KCNK2: variants seen among roughly 807,000 people sequenced by gnomAD.
The protein encoded by KCNK2 is potassium two pore domain channel subfamily K member 2.
KCNK2 carries 21 observed loss-of-function variants against 40.5 expected under a neutral mutation model. The observed-to-expected ratio is 0.52, with a 90% CI of 0.37 to 0.75. The LOEUF is 0.75. KCNK2 is among the 30% of genes least tolerant of loss of function. KCNK2 has a pLI of 0.00. For synonymous variants in KCNK2, 191 were observed against 202.2 expected (o/e 0.94, Z 0.47); for missense variants, 399 against 531.6 (o/e 0.75, Z 2.45).
At chr1:215,105,192 C>T (rs1180899566) in intron 2 of KCNK2, among the ~76,000 whole-genome samples, 3 of 152,140 alleles carry the variant, frequency 2.0e-5, no homozygotes, top group Non-Finnish European at 4.4e-5. Context: ...TTTCATCTTG[C>T]ATGACTGAAA....
intron 1 of KCNK2, among the ~76,000 whole-genome samples, chr1:215,055,111 AT>A (rs1012927762): frequency 6.6e-6 from 1 of 152,248 alleles, no homozygotes; most frequent in Non-Finnish European, 1.5e-5. Context: ...TTGACCTTGA[AT>A]AACTAGTTTG....
chr1:215,153,580 ATT>A (rs35617434), intron 3 of KCNK2, among the ~76,000 whole-genome samples: 11,184 of 104,966 alleles, frequency 0.11, 788 homozygotes, highest in African/African-American at 0.24. Flanking sequence ...ATATATATAT[ATT>A]TTTTTTTCTC....
At chr1:215,051,296 A>C (rs796765851) in intron 1 of KCNK2, among the ~76,000 whole-genome samples, 1 of 152,308 alleles carries the variant, frequency 6.6e-6, no homozygotes, top group African/African-American at 2.4e-5. Flanking sequence ...ACTGAAGCTA[A>C]AATTGATAAA....
intron 1 of KCNK2, among the ~76,000 whole-genome samples, chr1:215,050,611 C>G (rs79601174): frequency 0.01 from 1,547 of 152,152 alleles, 25 homozygotes; most frequent in South Asian, 0.074. Flanking sequence ...GTGATTCAAG[C>G]CACTGAAAAA....
At chr1:215,092,413 G>A (rs772186824) in intron 2 of KCNK2, among the ~76,000 whole-genome samples, 4 of 152,110 alleles carry the variant, frequency 2.6e-5, no homozygotes, top group Non-Finnish European at 5.9e-5. Flanking sequence ...TAGTTATTGA[G>A]GAAGATTGAT....
chr1:215,184,357 T>A (rs1385990684), intron 5 of KCNK2, among the ~76,000 whole-genome samples: 1 of 152,222 alleles, frequency 6.6e-6, no homozygotes, highest in Non-Finnish European at 1.5e-5. Flanking sequence ...TATCACTTTT[T>A]AAATATAACT....
intron 2 of KCNK2, among the ~76,000 whole-genome samples, chr1:215,099,201 A>G (rs1255839333): frequency 6.6e-6 from 1 of 151,784 alleles, no homozygotes; most frequent in Admixed American, 6.6e-5. Context: ...AGTGTGTGTT[A>G]TTCCTTTCCA....
intron 1 of KCNK2, among the ~76,000 whole-genome samples, chr1:215,072,274 G>A (rs1658784407): frequency 6.6e-6 from 1 of 152,116 alleles, no homozygotes; most frequent in Non-Finnish European, 1.5e-5. Context: ...TAGGAAAGAG[G>A]TTTAATTGAC....
chr1:215,085,263 A>C (rs997559278), intron 1 of KCNK2, among the ~76,000 whole-genome samples: 3 of 152,170 alleles, frequency 2.0e-5, no homozygotes, highest in Non-Finnish European at 4.4e-5. Flanking sequence ...TAAGCTGATT[A>C]TTCTGTTTGA....
At chr1:215,210,458 A>T (rs1211540713) in intron 6 of KCNK2, among the ~76,000 whole-genome samples, 3 of 152,190 alleles carry the variant, frequency 2.0e-5, no homozygotes, top group Admixed American at 1.3e-4. Flanking sequence ...TAGTCTGACT[A>T]CAGAAAAAAT....
rs775543319 is a variant in KCNK2 at position 215,195,056 on chromosome 1, T to C, written c.927T>C (p.Asp309=). 3 of 1,611,828 alleles carry C rather than the reference T, an allele frequency of 1.9e-6. No individual in the cohort carries two copies. The highest frequency in any genetic ancestry group is 3.3e-5 in the Admixed American group (2 of 59,792). Residue 309 remains aspartate (D), a synonymous_variant, in exon 6 of 7, where the codon GAT becomes GAC. Coordinates refer to ENST00000444842, the MANE Select transcript of KCNK2 (RefSeq NM_001017425.3). ...YFAAVLSMIG[D]WLRVISKKTK... ...CTGCTGTCCTGAGCATGATTGGAGA[T>C]TGGCTCCGAGTGATATCTAAAAAGA... is the stretch of plus-strand genomic sequence containing the variant.
intron 6 of KCNK2, among the ~76,000 whole-genome samples, chr1:215,213,054 T>C (rs570723669): frequency 6.6e-6 from 1 of 152,160 alleles, no homozygotes; most frequent in Non-Finnish European, 1.5e-5. Context: ...GGGCTTATGC[T>C]TGACTGGAAT....
chr1:215,045,027 C>CA (rs1326793566), intron 1 of KCNK2, among the ~76,000 whole-genome samples: 2 of 151,460 alleles, frequency 1.3e-5, no homozygotes, highest in East Asian at 3.9e-4. Flanking sequence ...AAAACAAAAA[C>CA]AAAAAATTAG....
chr1:215,097,586 G>A (rs1304651153), intron 2 of KCNK2, among the ~76,000 whole-genome samples: 4 of 151,936 alleles, frequency 2.6e-5, no homozygotes, highest in South Asian at 4.1e-4. Context: ...GTTTCATGCA[G>A]TTGCTTTAAT....
intron 1 of KCNK2, among the ~76,000 whole-genome samples, chr1:215,060,056 C>G (rs1404500742): frequency 6.6e-6 from 1 of 152,112 alleles, no homozygotes; most frequent in Non-Finnish European, 1.5e-5. Context: ...GTACTCCCTC[C>G]TCTTAGTTGT....
chr1:215,018,479 A>T (rs1656669018), intron 1 of KCNK2, among the ~76,000 whole-genome samples: 1 of 152,232 alleles, frequency 6.6e-6, no homozygotes, highest in Admixed American at 6.5e-5. Flanking sequence ...AATAAATGGA[A>T]ATCCATCAAA....
chr1:215,006,238 G>T (rs1656123665), intron 1 of KCNK2, among the ~76,000 whole-genome samples: 1 of 152,132 alleles, frequency 6.6e-6, no homozygotes, highest in Non-Finnish European at 1.5e-5. Flanking sequence ...TGTAAAAATT[G>T]ATCAACATGT....
At chr1:215,077,329 C>A (rs1481850053) in intron 1 of KCNK2, among the ~76,000 whole-genome samples, 2 of 152,106 alleles carry the variant, frequency 1.3e-5, no homozygotes, top group African/African-American at 2.4e-5. Context: ...ACTGGAACTT[C>A]TAGGAATATG....
chr1:215,114,203 G>C (rs1274224111), intron 2 of KCNK2, among the ~76,000 whole-genome samples: 1 of 152,124 alleles, frequency 6.6e-6, no homozygotes, highest in Admixed American at 6.6e-5. Context: ...CCCTTTCATA[G>C]GGTGCTGTGC....
Sources: gnomAD v4.1 joint callset for allele counts (sites outside exome capture counted in the v4.1 genomes callset) on GRCh38, gnomAD v4.1.1 for gene constraint, MANE v1.5 for transcripts, NCBI Gene and HGNC (gene_info 2026-07-23, HGNC 2026-07-21) for gene names.